ZNF804B: variants seen among roughly 807,000 people sequenced by gnomAD.
ZNF804B encodes the protein zinc finger 804B.
ZNF804B carries 80 observed loss-of-function variants against 101.4 expected under a neutral mutation model. That is an observed-to-expected ratio of 0.79 (90% CI 0.66 to 0.95). ZNF804B has a LOEUF of 0.95. ZNF804B is among the 40% of genes least tolerant of loss of function. The pLI, the probability that ZNF804B is intolerant of heterozygous loss-of-function variation, is 0.00. For synonymous variants in ZNF804B, 622 were observed against 558.8 expected, an observed-to-expected ratio of 1.11 and a Z score of -1.59; for missense variants, 1,673 against 1,561.9, an observed-to-expected ratio of 1.07 and a Z score of -1.20.
chr7:89,217,282 C>T (rs1584061208), intron 1 of ZNF804B, among the ~76,000 whole-genome samples: 1 of 152,132 alleles, frequency 6.6e-6, no homozygotes, highest in African/African-American at 2.4e-5. Flanking sequence ...AGGAATATAG[C>T]AAATCACAGC....
intron 2 of ZNF804B, among the ~76,000 whole-genome samples, chr7:89,275,603 C>T (rs897660765): frequency 6.6e-6 from 1 of 151,964 alleles, no homozygotes; most frequent in East Asian, 1.9e-4. Flanking sequence ...GTTTATTCCC[C>T]TCTCTATTTC....
At chr7:89,101,490 T>C (rs1318880126) in intron 1 of ZNF804B, among the ~76,000 whole-genome samples, 1 of 151,988 alleles carries the variant, frequency 6.6e-6, no homozygotes, top group Non-Finnish European at 1.5e-5. Context: ...AATATATTAA[T>C]TATTTCTCAC....
intron 1 of ZNF804B, among the ~76,000 whole-genome samples, chr7:88,815,453 A>G (rs907731720): frequency 2.0e-5 from 3 of 149,550 alleles, no homozygotes; most frequent in Admixed American, 6.7e-5. Context: ...GTATATAACT[A>G]TATGTTAGGT....
At chr7:89,217,850 A>T (rs1190442217) in intron 1 of ZNF804B, among the ~76,000 whole-genome samples, 1 of 152,184 alleles carries the variant, frequency 6.6e-6, no homozygotes, top group African/African-American at 2.4e-5. Context: ...GCTATGGAGG[A>T]TATAAAGAAG....
At chr7:89,106,629 T>C (rs1280792516) in intron 1 of ZNF804B, among the ~76,000 whole-genome samples, 1 of 152,104 alleles carries the variant, frequency 6.6e-6, no homozygotes, top group Non-Finnish European at 1.5e-5. Context: ...AGAAAGTCCC[T>C]TACTTCCACC....
At chr7:89,230,515 T>C (rs575132267) in intron 2 of ZNF804B, among the ~76,000 whole-genome samples, 41 of 152,200 alleles carry the variant, frequency 2.7e-4, no homozygotes, top group African/African-American at 9.9e-4. Context: ...TTTCAAAAAG[T>C]ACTATAAAAC....
rs1315681608 is a variant in ZNF804B, at chr7:88,878,162, A to G, written c.108+118078A>G. Among the ~76,000 whole-genome samples, 3 of 152,150 alleles carry G rather than the reference A, an allele frequency of 2.0e-5. No individual in the cohort carries two copies. The East Asian group carries it at 5.8e-4, about 29-fold the overall frequency. On this transcript the variant is annotated intron_variant, in intron 1 of 3. Transcript: ENST00000333190. ...AACTCATTATTCTCATTTGAACTTA[A>G]AATTCTTCCACTGGTGGTAATTTGA... is the stretch of plus-strand genomic sequence containing the variant.
chr7:89,282,084 C>T (rs1790106206), intron 2 of ZNF804B, among the ~76,000 whole-genome samples: 1 of 151,626 alleles, frequency 6.6e-6, no homozygotes, highest in Admixed American at 6.6e-5. Flanking sequence ...GCCTGTAGTC[C>T]CAGCTACTTG....
chr7:89,032,948 TAAA>T (rs1431452019), intron 1 of ZNF804B, among the ~76,000 whole-genome samples: 1 of 151,798 alleles, frequency 6.6e-6, no homozygotes, highest in Non-Finnish European at 1.5e-5. Context: ...TGTTTTGTGA[TAAA>T]AACATTTGAA....
At chr7:88,981,951 C>G (rs1205200342) in intron 1 of ZNF804B, among the ~76,000 whole-genome samples, 1 of 152,000 alleles carries the variant, frequency 6.6e-6, no homozygotes, top group Non-Finnish European at 1.5e-5. Context: ...ACTAGGTACT[C>G]TGCTCACCTC....
intron 1 of ZNF804B, among the ~76,000 whole-genome samples, chr7:89,005,015 A>C (rs972460583): frequency 6.6e-6 from 1 of 151,990 alleles, no homozygotes; most frequent in East Asian, 1.9e-4. Context: ...GGATTATTAA[A>C]GTACCATTCT....
At chr7:88,828,818 T>C (rs949310819) in intron 1 of ZNF804B, among the ~76,000 whole-genome samples, 1 of 152,142 alleles carries the variant, frequency 6.6e-6, no homozygotes, top group Non-Finnish European at 1.5e-5. Flanking sequence ...GTGTTTTTCT[T>C]TAGTCTGTTA....
chr7:89,029,021 T>C (rs1001029206), intron 1 of ZNF804B, among the ~76,000 whole-genome samples: 1 of 152,180 alleles, frequency 6.6e-6, no homozygotes, highest in Non-Finnish European at 1.5e-5. Flanking sequence ...TACTATGAGC[T>C]TGACATAGAA....
At chr7:89,004,055 C>CAAAAAAAA (rs5885649) in intron 1 of ZNF804B, among the ~76,000 whole-genome samples, 4 of 112,164 alleles carry the variant, frequency 3.6e-5, no homozygotes, top group African/African-American at 3.4e-5. Context: ...CCTGAATGAG[C>CAAAAAAAA]AAAAAAAAAA....
intron 1 of ZNF804B, among the ~76,000 whole-genome samples, chr7:88,898,590 G>A (rs944826636): frequency 5.9e-5 from 9 of 151,916 alleles, no homozygotes; most frequent in Non-Finnish European, 8.8e-5. Flanking sequence ...CCTCTCCCCC[G>A]CTTCTCTCTC....
chr7:89,085,287 A>T (rs530347553), intron 1 of ZNF804B, among the ~76,000 whole-genome samples: 1 of 152,042 alleles, frequency 6.6e-6, no homozygotes, highest in Admixed American at 6.6e-5. Context: ...AGAAGAAATG[A>T]TTGCCTTCCT....
intron 1 of ZNF804B, among the ~76,000 whole-genome samples, chr7:89,164,679 A>G (rs947956961): frequency 2.0e-5 from 3 of 152,002 alleles, no homozygotes; most frequent in Admixed American, 2.0e-4. Flanking sequence ...TACCAAACTT[A>G]GCTTTATCTT....
At chr7:89,225,613 T>C (rs916958131) in intron 2 of ZNF804B, among the ~76,000 whole-genome samples, 2 of 152,156 alleles carry the variant, frequency 1.3e-5, no homozygotes, top group Admixed American at 6.5e-5. Context: ...TGACCTATCA[T>C]TGACTAATCA....
chr7:88,942,154 C>A (rs1301510337), intron 1 of ZNF804B, among the ~76,000 whole-genome samples: 1 of 151,836 alleles, frequency 6.6e-6, no homozygotes, highest in Non-Finnish European at 1.5e-5. Context: ...ATAGTCTTAT[C>A]TCATATCCTA....
Sources: allele counts gnomAD v4.1 joint callset (sites outside exome capture counted in the v4.1 genomes callset), GRCh38; gene constraint gnomAD v4.1.1; transcripts MANE v1.5; gene names NCBI Gene and HGNC (gene_info 2026-07-23, HGNC 2026-07-21).